Variants in VPS50 observed in about 807,000 individuals in gnomAD.
The protein encoded by VPS50 is syndetin.
A neutral mutation model predicts 139.7 loss-of-function variants in VPS50; 70 were observed. That is an observed-to-expected ratio of 0.50 (90% CI 0.41 to 0.61). The LOEUF (loss-of-function observed/expected upper bound fraction) is 0.61, where lower values mean the gene tolerates loss of function less well. Ranked by LOEUF, VPS50 falls within the 20% of genes least tolerant of loss-of-function variation. VPS50 has a pLI of 0.00. For synonymous variants in VPS50, 365 were observed against 376.7 expected (o/e 0.97, Z 0.36); for missense variants, 921 against 1,133.7 (o/e 0.81, Z 2.69).
At chr7:93,303,918 A>G (rs1797047691) in intron 17 of VPS50, among the ~76,000 whole-genome samples, 1 of 151,818 alleles carries the variant, frequency 6.6e-6, no homozygotes, top group African/African-American at 2.4e-5. Context: ...ACAAATGCTT[A>G]TTTATATTTG....
At chr7:93,344,535 G>T (rs1406396288) in intron 23 of VPS50, among the ~76,000 whole-genome samples, 7 of 152,062 alleles carry the variant, frequency 4.6e-5, no homozygotes, top group Non-Finnish European at 5.9e-5. Flanking sequence ...TACATTTTTT[G>T]CAGCACCACA....
At chr7:93,261,889 G>C (rs2116852164) in intron 9 of VPS50, among the ~76,000 whole-genome samples, 1 of 152,210 alleles carries the variant, frequency 6.6e-6, no homozygotes, top group Middle Eastern at 3.4e-3. Context: ...GAGTTACCAA[G>C]CAAAATGAAG....
chr7:93,333,963 T>G (rs1798004735), intron 21 of VPS50, 154 bp from the exon 22 acceptor site: 3 of 603,388 alleles, frequency 5.0e-6, no homozygotes, highest in Admixed American at 3.3e-5. Flanking sequence ...TTTGACTCCT[T>G]TGTTTGATGT....
At chr7:93,291,485 G>A (rs1796646493) in intron 12 of VPS50, among the ~76,000 whole-genome samples, 1 of 152,044 alleles carries the variant, frequency 6.6e-6, no homozygotes, top group African/African-American at 2.4e-5. Context: ...CACAGCATAT[G>A]GGCTGATATT....
intron 8 of VPS50, among the ~76,000 whole-genome samples, chr7:93,258,795 T>C (rs1371009562): frequency 6.6e-6 from 1 of 152,048 alleles, no homozygotes; most frequent in Non-Finnish European, 1.5e-5. Context: ...TGATGCATTC[T>C]TAGCATTTTC....
At chr7:93,272,521 G>C in intron 10 of VPS50, 114 bp from the exon 11 acceptor site, 1 of 472,404 alleles carries the variant, frequency 2.1e-6, no homozygotes, top group Non-Finnish European at 3.8e-6. Context: ...TGGTATGATA[G>C]TAAATGTATT....
chr7:93,289,608 G>A (rs1796591810), intron 12 of VPS50, among the ~76,000 whole-genome samples: 1 of 152,010 alleles, frequency 6.6e-6, no homozygotes, highest in African/African-American at 2.4e-5. Flanking sequence ...ATGTTAGAGA[G>A]AAATTGATTC....
Position 93,305,907 on chromosome 7 carries a change from T to C in VPS50, c.1532T>C (p.Val511Ala). ...KQPVSTSSKT[V>A]TLFEQYCSGG... ...CCAGTCTCAACTTCTTCAAAAACAG[T>C]GACCTTGTTTGAGCAGTACTGTAGT... The change falls in exon 18 of 28, where the codon GTG (valine) becomes GCG (alanine). Residue 511 changes from valine (V) to alanine (A), a missense_variant. This residue lies in a region of VPS50 where 744 missense variants were observed against 930.6 expected (regional missense o/e 0.80). Transcript: ENST00000305866. The C allele has an allele frequency of 6.2e-7, 1 of 1,611,428 alleles. No homozygotes were observed. The highest frequency in any genetic ancestry group is 8.5e-7 in the Non-Finnish European group (1 of 1,177,740).
intron 19 of VPS50, among the ~76,000 whole-genome samples, chr7:93,310,017 G>T (rs1159854053): frequency 6.6e-6 from 1 of 151,898 alleles, no homozygotes; most frequent in Non-Finnish European, 1.5e-5. Flanking sequence ...TGTTCTATTG[G>T]TTTTTGCGTA....
rs550492487 is a variant in VPS50, at chr7:93,281,279, C to T, written c.942+4974C>T. On this transcript the variant is annotated intron_variant, in intron 12 of 27. Coordinates refer to ENST00000305866, the MANE Select transcript of VPS50 (RefSeq NM_017667.4). ...TTTTGATACTGAATTATAATCATGT[C>T]GATTTTTTGGGAGTCAACCAATATC... 1.2e-4 allele frequency among the ~76,000 whole-genome samples: 19 copies of T among 152,156 alleles called. No homozygotes were observed. In the South Asian group the frequency reaches 3.1e-3, roughly 25 times the overall value.
At chr7:93,252,406 T>C (rs1474554458) in intron 2 of VPS50, among the ~76,000 whole-genome samples, 1 of 152,158 alleles carries the variant, frequency 6.6e-6, no homozygotes, top group Non-Finnish European at 1.5e-5. Flanking sequence ...ATCAACCTTG[T>C]TGATGTGCAA....
intron 12 of VPS50, among the ~76,000 whole-genome samples, chr7:93,288,869 C>T (rs1165944472): frequency 6.6e-6 from 1 of 152,038 alleles, no homozygotes; most frequent in African/African-American, 2.4e-5. Context: ...CACGTGAAAC[C>T]CATTTGTGTT....
At chr7:93,264,414 A>G (rs1049251360) in intron 9 of VPS50, among the ~76,000 whole-genome samples, 12 of 152,194 alleles carry the variant, frequency 7.9e-5, no homozygotes, top group Non-Finnish European at 1.6e-4. Context: ...ATTTGTCTCA[A>G]TTTGTTTCAA....
At chr7:93,296,949 C>G (rs757646165) in intron 15 of VPS50, 113 bp downstream of exon 15, 7 of 1,432,314 alleles carry the variant, frequency 4.9e-6, no homozygotes, top group Non-Finnish European at 6.4e-6. Context: ...ATAATTTTTG[C>G]TGCTAAGTTT....
intron 21 of VPS50, among the ~76,000 whole-genome samples, chr7:93,330,217 A>G (rs1414125867): frequency 6.6e-6 from 1 of 152,192 alleles, no homozygotes; most frequent in African/African-American, 2.4e-5. Flanking sequence ...CAACCATGAA[A>G]CATACTACAA....
chr7:93,311,358 G>A (rs1584456731), intron 20 of VPS50, 86 bp downstream of exon 20: 3 of 733,376 alleles, frequency 4.1e-6, no homozygotes, highest in East Asian at 2.5e-5. Flanking sequence ...TTATTGTCTT[G>A]TATACTCCAG....
At chr7:93,342,648 C>A in intron 23 of VPS50, among the ~76,000 whole-genome samples, 1 of 152,236 alleles carries the variant, frequency 6.6e-6, no homozygotes, top group Non-Finnish European at 1.5e-5. Context: ...GGCAGACTGC[C>A]TCAAGTGGGT....
intron 20 of VPS50, 127 bp downstream of exon 20, chr7:93,311,399 C>G (rs1797262799): frequency 1.7e-6 from 1 of 572,028 alleles, no homozygotes; most frequent in African/African-American, 1.9e-5. Flanking sequence ...TTAAGGTTAT[C>G]ATATGTCAAT....
rs201656003 is a variant in VPS50 at position 93,308,775 on chromosome 7, G to A, written c.1630-49G>A. ...CTTTCACTGTGTTGAGACACCCCACGAAAAGAGGCCCTTTATACTCATTTT... is the reference window on the plus strand; with the variant it reads ...CTTTCACTGTGTTGAGACACCCCACAAAAAGAGGCCCTTTATACTCATTTT... On this transcript the variant is annotated intron_variant, in intron 18 of 27. Transcript: ENST00000305866. 70 of 974,360 alleles carry A rather than the reference G, an allele frequency of 7.2e-5. No homozygotes were observed. The East Asian group carries it at 1.5e-3, about 21-fold the overall frequency. The allele number at this position is 974,360 out of a possible 1,614,324, so 60.4% of individuals were successfully genotyped here.
Sources: allele counts gnomAD v4.1 joint callset (sites outside exome capture counted in the v4.1 genomes callset), GRCh38; gene constraint gnomAD v4.1.1; regional missense constraint gnomAD v4.1.1; transcripts MANE v1.5; gene names NCBI Gene and HGNC (gene_info 2026-07-23, HGNC 2026-07-21).